PDE3B: variants seen among roughly 807,000 people sequenced by gnomAD.
PDE3B encodes phosphodiesterase 3B.
A neutral mutation model predicts 116.8 loss-of-function variants in PDE3B; 66 were observed. The ratio of observed to expected loss-of-function variants is 0.56; its 90% CI spans 0.46 to 0.69. The LOEUF is 0.69. Ranked by LOEUF, PDE3B falls within the 30% of genes least tolerant of loss-of-function variation. The probability of loss-of-function intolerance (pLI) is 0.00; values close to 1 mark genes in which losing one functional copy is unlikely to be tolerated. For missense variants in PDE3B, 1,384 were observed against 1,368.1 expected (o/e 1.01, Z -0.18); for synonymous variants, 595 against 533.6 (o/e 1.12, Z -1.59).
In PDE3B at chr11:14,782,425, G is replaced by C. The variant is rs1426948084; in HGVS notation, c.1030-4012G>C. ...ACCAAAACAGAGATATAGACCAATG[G>C]AACAGAACAGAGTCCTCAGAAATAG... On this transcript the variant is annotated intron_variant, in intron 2 of 15. Transcript: ENST00000282096. 2.6e-5 allele frequency among the ~76,000 whole-genome samples: 4 copies of C among 152,050 alleles called. No homozygotes were observed. In the East Asian group the frequency reaches 7.7e-4, roughly 29 times the overall value.
At chr11:14,855,413 G>A (rs1847831063) in intron 12 of PDE3B, among the ~76,000 whole-genome samples, 1 of 151,952 alleles carries the variant, frequency 6.6e-6, no homozygotes, top group African/African-American at 2.4e-5. Flanking sequence ...AAATTCAACT[G>A]TCATTGTATT....
downstream of PDE3B, among the ~76,000 whole-genome samples, chr11:14,874,083 G>A (rs554289893): frequency 6.6e-6 from 1 of 152,112 alleles, no homozygotes; most frequent in Non-Finnish European, 1.5e-5. Context: ...TTGTTACTTG[G>A]TGTGGTATTG....
intron 1 of PDE3B, among the ~76,000 whole-genome samples, chr11:14,684,519 A>T (rs1435283045): frequency 6.6e-6 from 1 of 152,236 alleles, no homozygotes; most frequent in East Asian, 1.9e-4. Context: ...TCAGCTGTGC[A>T]CGTATTATCT....
chr11:14,834,330 G>C (rs1859987352), intron 10 of PDE3B, among the ~76,000 whole-genome samples: 1 of 152,006 alleles, frequency 6.6e-6, no homozygotes, highest in Non-Finnish European at 1.5e-5. Context: ...AACTTTTATA[G>C]GTGAGAAGTA....
At chr11:14,821,292 T>C (rs1859508395) in intron 7 of PDE3B, among the ~76,000 whole-genome samples, 1 of 152,210 alleles carries the variant, frequency 6.6e-6, no homozygotes, top group Non-Finnish European at 1.5e-5. Flanking sequence ...GTGTCACTTC[T>C]GCCATATTCT....
chr11:14,709,586 T>C (rs978479483), intron 1 of PDE3B, among the ~76,000 whole-genome samples: 5 of 152,190 alleles, frequency 3.3e-5, no homozygotes, highest in Admixed American at 6.5e-5. Flanking sequence ...TGGACCACCC[T>C]AGTGTGAATT....
chr11:14,893,274 G>A, the PDE3B span, among the ~76,000 whole-genome samples: 2 of 152,308 alleles, frequency 1.3e-5, no homozygotes, highest in South Asian at 2.1e-4. Context: ...ATAATCAGAA[G>A]CAAACAAAAA....
chr11:14,758,814 AG>A (rs1344943836), intron 1 of PDE3B, among the ~76,000 whole-genome samples: 1 of 151,702 alleles, frequency 6.6e-6, no homozygotes, highest in Non-Finnish European at 1.5e-5. Flanking sequence ...GTTGAATAGG[AG>A]TGGTGAGAGA....
chr11:14,726,901 A>G (rs1191025024), intron 1 of PDE3B, among the ~76,000 whole-genome samples: 1 of 152,198 alleles, frequency 6.6e-6, no homozygotes, highest in East Asian at 1.9e-4. Context: ...TTGAATGATC[A>G]TTGAACGGAG....
intron 1 of PDE3B, among the ~76,000 whole-genome samples, chr11:14,665,362 CAG>C: frequency 6.6e-6 from 1 of 152,298 alleles, no homozygotes; most frequent in South Asian, 2.1e-4. Flanking sequence ...TGGCACAAGA[CAG>C]GGATGCTGTC....
At chr11:14,742,854 G>T (rs1856808890) in intron 1 of PDE3B, among the ~76,000 whole-genome samples, 1 of 152,068 alleles carries the variant, frequency 6.6e-6, no homozygotes, top group African/African-American at 2.4e-5. Context: ...TTTGCTGGAG[G>T]TCCACTCCAG....
chr11:14,848,886 A>T (rs1159568774), intron 12 of PDE3B, among the ~76,000 whole-genome samples: 1 of 152,248 alleles, frequency 6.6e-6, no homozygotes, highest in Non-Finnish European at 1.5e-5. Context: ...GGTAGGAAGA[A>T]TCAGTATGAA....
intron 1 of PDE3B, among the ~76,000 whole-genome samples, chr11:14,744,798 T>C (rs1033618384): frequency 6.6e-6 from 1 of 152,306 alleles, no homozygotes; most frequent in South Asian, 2.1e-4. Context: ...ATGAGAACTT[T>C]TGCATTAGGG....
chr11:14,803,545 A>G (rs986931059), intron 4 of PDE3B, among the ~76,000 whole-genome samples: 5 of 152,244 alleles, frequency 3.3e-5, no homozygotes, highest in African/African-American at 7.2e-5. Flanking sequence ...CCAGCAGCCT[A>G]TGTTTTAAGA....
At position 14,644,232 on chromosome 11, in the gene PDE3B, C is replaced by T. The variant is rs555533276; in HGVS notation, c.157C>T (p.Arg53Cys). 2 of 1,587,138 alleles carry T rather than the reference C, an allele frequency of 1.3e-6. No homozygotes were observed. Among genetic ancestry groups the T allele is most frequent in the Non-Finnish European group, 1.7e-6 (2 of 1,173,572 alleles). ...GCGCGGCTTCTTCTTCCACCTCTGC[C>T]GCTTCTGCAACGTGGAGCTGCGGCC... Reference protein sequence around the residue: ...PPRGFFFHLCRFCNVELRPPP... With the variant: ...PPRGFFFHLCCFCNVELRPPP... Residue 53 changes from arginine (R) to cysteine (C), a missense_variant, in exon 1 of 16, where the codon CGC (arginine) becomes TGC (cysteine). Arg to Cys is a radical substitution (Grantham distance 180, BLOSUM62 -3). This residue lies in a region of PDE3B where 956 missense variants were observed against 806.8 expected (regional missense o/e 1.18). Coordinates refer to ENST00000282096, the MANE Select transcript of PDE3B (RefSeq NM_000922.4).
intron 7 of PDE3B, among the ~76,000 whole-genome samples, chr11:14,819,881 C>T (rs1859464988): frequency 1.3e-5 from 2 of 152,034 alleles, no homozygotes; most frequent in Admixed American, 1.3e-4. Context: ...ATGCCAATTC[C>T]ACAGAGACCA....
chr11:14,841,361 A>ATG (rs1860218056), intron 11 of PDE3B, among the ~76,000 whole-genome samples: 1 of 147,546 alleles, frequency 6.8e-6, no homozygotes, highest in South Asian at 2.1e-4. Context: ...ATATATATAT[A>ATG]AAATATATAT....
At chr11:14,882,367 G>C in the PDE3B span, among the ~76,000 whole-genome samples, 6 of 152,136 alleles carry the variant, frequency 3.9e-5, no homozygotes, top group Admixed American at 6.6e-5. Context: ...AGATGAGGAA[G>C]TGAGACAAGC....
intron 1 of PDE3B, among the ~76,000 whole-genome samples, chr11:14,686,725 T>C (rs1252173634): frequency 6.6e-6 from 1 of 152,220 alleles, no homozygotes; most frequent in Non-Finnish European, 1.5e-5. Flanking sequence ...TATTTTTATT[T>C]TTTTTAAAGA....
Sources: allele counts gnomAD v4.1 joint callset (sites outside exome capture counted in the v4.1 genomes callset), GRCh38; gene constraint gnomAD v4.1.1; regional missense constraint gnomAD v4.1.1; transcripts MANE v1.5; gene names NCBI Gene and HGNC (gene_info 2026-07-23, HGNC 2026-07-21).